The following PRPF18 variants were observed in gnomAD, a reference collection of about 807,000 sequenced individuals.
PRPF18 encodes pre-mRNA processing factor 18, also known as pre-mRNA-splicing factor 18.
A neutral mutation model predicts 46.5 loss-of-function variants in PRPF18; 38 were observed. The observed-to-expected ratio is 0.82, with a 90% CI of 0.63 to 1.07. The LOEUF (loss-of-function observed/expected upper bound fraction) is 1.07. PRPF18 is among the 50% of genes least tolerant of loss of function. The pLI is 0.00. For synonymous variants in PRPF18, 152 were observed against 146.7 expected, an observed-to-expected ratio of 1.04 and a Z score of -0.26; for missense variants, 263 against 410.0, an observed-to-expected ratio of 0.64 and a Z score of 3.10.
chr10:13,634,689 GACCCAGTATTACATGT>G (rs1464500712), downstream of PRPF18, among the ~76,000 whole-genome samples: 19 of 152,332 alleles, frequency 1.2e-4, no homozygotes, highest in African/African-American at 4.3e-4. Context: ...AGTGTATGGA[GACCCAGTATTACATGT>G]ACACAGGCAC....
chr10:13,635,078 G>A (rs1439034290), downstream of PRPF18, among the ~76,000 whole-genome samples: 2 of 152,138 alleles, frequency 1.3e-5, no homozygotes, highest in Admixed American at 1.3e-4. Flanking sequence ...GCCCCAGTGT[G>A]TGTTGTTACC....
the PRPF18 span, chr10:13,637,945 A>G: frequency 1.3e-5 from 2 of 152,194 alleles, no homozygotes; most frequent in Admixed American, 6.5e-5. Flanking sequence ...TGTGGTGTAG[A>G]CACTACTAGT....
At chr10:13,654,021 C>T in the PRPF18 span, 1 of 354,556 alleles carries the variant, frequency 2.8e-6, no homozygotes, top group Non-Finnish European at 5.0e-6. Flanking sequence ...TCACCTGCCC[C>T]AGTGTATTTG....
chr10:13,645,385 G>T, the PRPF18 span: 11 of 115,172 alleles, frequency 9.6e-5, no homozygotes, highest in Non-Finnish European at 8.4e-5. Flanking sequence ...CACCACTTGC[G>T]CCAAAAGCAC....
intron 1 of PRPF18, among the ~76,000 whole-genome samples, chr10:13,596,221 T>C (rs965735388): frequency 1.6e-4 from 24 of 152,218 alleles, no homozygotes; most frequent in African/African-American, 5.5e-4. Context: ...AAAATGTCTT[T>C]GATTTGTGTA....
At chr10:13,589,037 A>G (rs1288530201) in intron 1 of PRPF18, among the ~76,000 whole-genome samples, 2 of 152,362 alleles carry the variant, frequency 1.3e-5, no homozygotes, top group Admixed American at 6.5e-5. Context: ...ATTACAAAAT[A>G]TGAAAAGATC....
At chr10:13,610,356 C>A (rs2080253068) in intron 5 of PRPF18, among the ~76,000 whole-genome samples, 171 bp downstream of exon 5, 1 of 152,324 alleles carries the variant, frequency 6.6e-6, no homozygotes, top group South Asian at 2.1e-4. Flanking sequence ...CCTCCACTCA[C>A]ATTCCCCTAC....
At chr10:13,652,727 G>GC in the PRPF18 span, 1 of 152,372 alleles carries the variant, frequency 6.6e-6, no homozygotes, top group South Asian at 2.1e-4. Context: ...ATCAGAGGCA[G>GC]CAGGGGATCG....
chr10:13,652,981 C>T, the PRPF18 span: 1 of 151,634 alleles, frequency 6.6e-6, no homozygotes, highest in South Asian at 2.2e-4. Context: ...AGCTGGAATT[C>T]CAGCTCCCTC....
chr10:13,588,279 C>T (rs189966710), intron 1 of PRPF18, among the ~76,000 whole-genome samples: 29 of 152,150 alleles, frequency 1.9e-4, no homozygotes, highest in Non-Finnish European at 3.7e-4. Context: ...TGGTGGTGCG[C>T]GCCTGTAATC....
At chr10:13,629,223 A>G (rs2080557014) in intron 9 of PRPF18, among the ~76,000 whole-genome samples, 2 of 152,224 alleles carry the variant, frequency 1.3e-5, no homozygotes, top group Admixed American at 1.3e-4. Context: ...GTAGTTGTCT[A>G]AAAACAGCTA....
At chr10:13,652,208 T>C in the PRPF18 span, 14,047 of 577,568 alleles carry the variant, frequency 0.024, 780 homozygotes, top group African/African-American at 0.15. Context: ...GGCCTCATTT[T>C]GTATCACATC....
chr10:13,644,390 G>A, the PRPF18 span: 1 of 152,116 alleles, frequency 6.6e-6, no homozygotes, highest in Non-Finnish European at 1.5e-5. Flanking sequence ...CAGTCTCAAA[G>A]GACTAACGTT....
the PRPF18 span, chr10:13,645,318 C>T: frequency 6.6e-6 from 1 of 151,886 alleles, no homozygotes; most frequent in African/African-American, 2.4e-5. Context: ...CTGTCAATGC[C>T]TTTCCAATAG....
intron 9 of PRPF18, among the ~76,000 whole-genome samples, chr10:13,619,568 C>G (rs987767208): frequency 1.3e-5 from 2 of 152,152 alleles, no homozygotes; most frequent in African/African-American, 2.4e-5. Flanking sequence ...ACTCATGCGC[C>G]CAAGAGTCAC....
At chr10:13,652,717 A>T in the PRPF18 span, 1 of 152,354 alleles carries the variant, frequency 6.6e-6, no homozygotes, top group African/African-American at 2.4e-5. Context: ...TTTAAAAGGA[A>T]TCAGAGGCAG....
At chr10:13,599,883 A>C (rs895075435) in intron 2 of PRPF18, among the ~76,000 whole-genome samples, 1 of 152,262 alleles carries the variant, frequency 6.6e-6, no homozygotes, top group Non-Finnish European at 1.5e-5. Context: ...CAATTTAAAG[A>C]GGAAGAGCAA....
At chr10:13,654,545 C>G in the PRPF18 span, 1 of 1,392,916 alleles carries the variant, frequency 7.2e-7, no homozygotes, top group Non-Finnish European at 1.0e-6. Context: ...AGGCAGAGAG[C>G]AGACAGGGAT....
At chr10:13,611,512 C>A (rs961177973) in intron 5 of PRPF18, 103 bp from the exon 6 acceptor site, 1 of 885,170 alleles carries the variant, frequency 1.1e-6, no homozygotes. Context: ...AAAAATTGAA[C>A]AGCATATGTG....
Sources: allele counts gnomAD v4.1 joint callset (sites outside exome capture counted in the v4.1 genomes callset), GRCh38; gene constraint gnomAD v4.1.1; transcripts MANE v1.5; gene names NCBI Gene and HGNC (gene_info 2026-07-23, HGNC 2026-07-21).